Variants in SNTG1 observed in about 807,000 individuals in gnomAD.
SNTG1 encodes the protein syntrophin gamma 1, also known as gamma-1-syntrophin.
In SNTG1, 39 loss-of-function variants were observed where a neutral mutation model predicts 74.7. The observed-to-expected ratio is 0.52, with a 90% confidence interval of 0.40 to 0.68. SNTG1 has a LOEUF of 0.68. SNTG1 is among the 30% of genes least tolerant of loss of function. The pLI, the probability that SNTG1 is intolerant of heterozygous loss-of-function variation, is 0.00. For synonymous variants in SNTG1, 254 were observed against 217.1 expected (o/e 1.17, Z -1.49); for missense variants, 685 against 609.5 (o/e 1.12, Z -1.30).
At chr8:49,928,421 G>A (rs2129352748) in intron 1 of SNTG1, among the ~76,000 whole-genome samples, 1 of 152,032 alleles carries the variant, frequency 6.6e-6, no homozygotes, top group African/African-American at 2.4e-5. Flanking sequence ...AGTAGAGACA[G>A]GGTTTTGCCA....
At chr8:50,212,257 C>T (rs1156444510) in intron 2 of SNTG1, among the ~76,000 whole-genome samples, 7 of 152,142 alleles carry the variant, frequency 4.6e-5, no homozygotes, top group Non-Finnish European at 1.0e-4. Flanking sequence ...CGTTTCTTTC[C>T]TGTGTTCATC....
chr8:50,381,342 A>C (rs984011275), intron 2 of SNTG1, among the ~76,000 whole-genome samples: 1 of 151,872 alleles, frequency 6.6e-6, no homozygotes, highest in Non-Finnish European at 1.5e-5. Flanking sequence ...ATCATATTTT[A>C]GTACAAATCA....
intron 2 of SNTG1, among the ~76,000 whole-genome samples, chr8:50,382,440 C>A (rs988664760): frequency 6.6e-6 from 1 of 151,778 alleles, no homozygotes. Flanking sequence ...ATACAAGAGA[C>A]GAAATCCAAA....
At chr8:50,162,196 G>C (rs2082439888) in intron 1 of SNTG1, among the ~76,000 whole-genome samples, 1 of 152,178 alleles carries the variant, frequency 6.6e-6, no homozygotes, top group Non-Finnish European at 1.5e-5. Context: ...AATAACCTGA[G>C]AGCAGGAAAA....
At chr8:49,922,274 C>T (rs951636441) in intron 1 of SNTG1, among the ~76,000 whole-genome samples, 1 of 152,102 alleles carries the variant, frequency 6.6e-6, no homozygotes, top group African/African-American at 2.4e-5. Context: ...AGATAATTGC[C>T]TGGCTTTTTT....
In SNTG1 at chr8:50,450,556, C is replaced by A. The variant is rs138942717; in HGVS notation, c.278C>A (p.Ala93Glu). ...VVSKISKEQR[A>E]ELSGLLFIGD... Reference sequence around the variant, plus strand: ...ATCAATTGTGCTTTTTCATTCACAGCGGAACTTTCAGGACTACTTTTTATT... The same window carrying A: ...ATCAATTGTGCTTTTTCATTCACAGAGGAACTTTCAGGACTACTTTTTATT... Residue 93 changes from alanine to glutamate, a missense_variant and splice_region_variant, in exon 7 of 19, where the codon GCG (alanine) becomes GAG (glutamate). Transcript: ENST00000642720. 5 of 1,613,202 alleles carry A rather than the reference C, an allele frequency of 3.1e-6. No individual in the cohort carries two copies. The highest frequency in any genetic ancestry group is 4.5e-5 in the East Asian group (2 of 44,736).
intron 2 of SNTG1, among the ~76,000 whole-genome samples, chr8:50,174,120 G>A (rs967230399): frequency 6.6e-6 from 1 of 152,166 alleles, no homozygotes. Flanking sequence ...AGAGTGTTGC[G>A]AATGATGGCT....
At chr8:50,562,412 C>G (rs1428373978) in intron 12 of SNTG1, among the ~76,000 whole-genome samples, 1 of 152,138 alleles carries the variant, frequency 6.6e-6, no homozygotes, top group African/African-American at 2.4e-5. Flanking sequence ...AGGAACTGAA[C>G]CCAGTATTTC....
chr8:50,259,539 AG>A (rs368950019), intron 2 of SNTG1, among the ~76,000 whole-genome samples: 10 of 27,362 alleles, frequency 3.7e-4, no homozygotes, highest in Admixed American at 1.5e-3. Context: ...AAAGAAAGAA[AG>A]AAAGAAAGAA....
At chr8:50,553,726 T>A (rs1182752368) in intron 12 of SNTG1, among the ~76,000 whole-genome samples, 1 of 152,200 alleles carries the variant, frequency 6.6e-6, no homozygotes. Flanking sequence ...TGTCTCTTTA[T>A]TGTAGCTATC....
At chr8:50,516,278 A>G (rs1267153882) in intron 9 of SNTG1, among the ~76,000 whole-genome samples, 3 of 152,200 alleles carry the variant, frequency 2.0e-5, no homozygotes, top group African/African-American at 4.8e-5. Flanking sequence ...TCCACAAAAA[A>G]TCCCATCCAA....
intron 13 of SNTG1, among the ~76,000 whole-genome samples, chr8:50,601,497 A>T (rs371576941): frequency 2.6e-5 from 4 of 152,200 alleles, no homozygotes; most frequent in South Asian, 4.1e-4. Flanking sequence ...GCTTGAGATG[A>T]TTTTAATTTT....
chr8:50,527,499 A>T (rs2094230792), intron 9 of SNTG1, among the ~76,000 whole-genome samples: 1 of 152,024 alleles, frequency 6.6e-6, no homozygotes, highest in Non-Finnish European at 1.5e-5. Context: ...AGAATCAATT[A>T]TGTGTGTGTG....
intron 8 of SNTG1, among the ~76,000 whole-genome samples, chr8:50,500,775 C>G (rs1351099823): frequency 6.6e-6 from 1 of 152,014 alleles, no homozygotes; most frequent in East Asian, 1.9e-4. Flanking sequence ...TGATTTATCT[C>G]GTGTCACTGG....
At chr8:50,212,663 A>G (rs574084816) in intron 2 of SNTG1, among the ~76,000 whole-genome samples, 1 of 152,282 alleles carries the variant, frequency 6.6e-6, no homozygotes, top group Non-Finnish European at 1.5e-5. Flanking sequence ...GAGACAGTTA[A>G]TTCTCATCTC....
intron 16 of SNTG1, chr8:50,707,963 G>A (rs2095449144): frequency 5.2e-6 from 2 of 381,500 alleles, no homozygotes; most frequent in Middle Eastern, 6.7e-4. Flanking sequence ...AGCACTTTGG[G>A]AGGCCGAGGC....
chr8:50,780,715 C>A (rs2095656676), intron 18 of SNTG1, among the ~76,000 whole-genome samples: 1 of 152,094 alleles, frequency 6.6e-6, no homozygotes, highest in African/African-American at 2.4e-5. Context: ...CAGTTCTGCT[C>A]TGATTTTAGT....
intron 2 of SNTG1, chr8:50,380,972 C>T (rs1478131824): frequency 6.6e-6 from 1 of 152,118 alleles, no homozygotes; most frequent in Admixed American, 6.5e-5. Flanking sequence ...TTTGTTAGGT[C>T]AGTGACGTAA....
intron 1 of SNTG1, among the ~76,000 whole-genome samples, chr8:50,043,670 G>A (rs1408107540): frequency 1.3e-5 from 2 of 152,200 alleles, no homozygotes; most frequent in African/African-American, 4.8e-5. Flanking sequence ...AGTTGAGAGA[G>A]TGGGTGGCTC....
Sources: allele counts gnomAD v4.1 joint callset (sites outside exome capture counted in the v4.1 genomes callset), GRCh38; gene constraint gnomAD v4.1.1; transcripts MANE v1.5; gene names NCBI Gene and HGNC (gene_info 2026-07-23, HGNC 2026-07-21).